The following C8orf34 variants were observed in gnomAD, a reference collection of about 807,000 sequenced individuals.
The protein encoded by C8orf34 is chromosome 8 open reading frame 34.
A neutral mutation model predicts 68.3 loss-of-function variants in C8orf34; 65 were observed. The observed-to-expected ratio is 0.95, with a 90% CI of 0.78 to 1.17. The LOEUF (loss-of-function observed/expected upper bound fraction) is 1.17, where lower values mean the gene tolerates loss of function less well. C8orf34 is among the 50% of genes most tolerant of loss of function. The pLI is 0.00. For synonymous variants in C8orf34, 244 were observed against 241.2 expected, an observed-to-expected ratio of 1.01 and a Z score of -0.11; for missense variants, 664 against 655.4, an observed-to-expected ratio of 1.01 and a Z score of -0.14.
intron 1 of C8orf34, among the ~76,000 whole-genome samples, chr8:68,340,025 T>C (rs1288604275): frequency 6.6e-6 from 1 of 152,102 alleles, no homozygotes; most frequent in Non-Finnish European, 1.5e-5. Flanking sequence ...AGGGAATGAA[T>C]AGCTGCTCAA....
Position 68,813,344 on chromosome 8 carries a change from C to G in C8orf34, c.1550-2542C>G, listed in dbSNP as rs1024323392. Among the ~76,000 whole-genome samples, 98 of 151,762 alleles carry G rather than the reference C, an allele frequency of 6.5e-4. 8 individuals carry two copies. Among genetic ancestry groups the G allele is most frequent in the Non-Finnish European group, 1.5e-5 (1 of 67,958 alleles). On this transcript the variant is annotated intron_variant, in intron 12 of 13. Transcript: ENST00000518698. ...AAAAGCATTATGTCAAAGGTTATTT[C>G]AGAAACTTGAAATCAGATAATTCTG...
chr8:68,433,310 C>T (rs1198959173), intron 1 of C8orf34, among the ~76,000 whole-genome samples: 1 of 152,108 alleles, frequency 6.6e-6, no homozygotes, highest in Non-Finnish European at 1.5e-5. Context: ...ATGCCATATG[C>T]TATTAATATT....
intron 7 of C8orf34, among the ~76,000 whole-genome samples, chr8:68,555,977 C>A (rs1168137256): frequency 2.6e-5 from 4 of 152,090 alleles, no homozygotes; most frequent in Non-Finnish European, 5.9e-5. Flanking sequence ...CTGAGAGTGT[C>A]TAGCACTTTT....
intron 12 of C8orf34, among the ~76,000 whole-genome samples, chr8:68,810,204 C>T (rs564849459): frequency 3.9e-4 from 60 of 152,270 alleles, no homozygotes; most frequent in Non-Finnish European, 7.2e-4. Context: ...AAGCCAGGCA[C>T]AGAGTAGTAA....
At chr8:68,773,436 C>T (rs1483360185) in intron 10 of C8orf34, among the ~76,000 whole-genome samples, 1 of 151,846 alleles carries the variant, frequency 6.6e-6, no homozygotes, top group Non-Finnish European at 1.5e-5. Context: ...AGTCTTGCTC[C>T]GTCGCCCAGG....
intron 7 of C8orf34, among the ~76,000 whole-genome samples, chr8:68,615,827 C>A (rs551641826): frequency 1.1e-4 from 16 of 152,094 alleles, no homozygotes; most frequent in African/African-American, 3.9e-4. Flanking sequence ...GGAGGATTCC[C>A]TCTTTTTCTA....
At chr8:68,806,545 T>G (rs1353792777) in intron 12 of C8orf34, among the ~76,000 whole-genome samples, 1 of 152,054 alleles carries the variant, frequency 6.6e-6, no homozygotes, top group Non-Finnish European at 1.5e-5. Context: ...AATAATATTT[T>G]TAGTCACCTG....
chr8:68,569,593 T>C (rs1156630916), intron 7 of C8orf34, among the ~76,000 whole-genome samples: 1 of 152,204 alleles, frequency 6.6e-6, no homozygotes, highest in East Asian at 1.9e-4. Context: ...TAAACATGAC[T>C]ACTGCTTCAT....
chr8:68,668,106 A>G, intron 8 of C8orf34, among the ~76,000 whole-genome samples: 1 of 152,268 alleles, frequency 6.6e-6, no homozygotes, highest in Non-Finnish European at 1.5e-5. Flanking sequence ...TCCTTTTGAA[A>G]GTATAAATTT....
At chr8:68,759,920 G>A (rs1049437740) in intron 10 of C8orf34, among the ~76,000 whole-genome samples, 3 of 152,178 alleles carry the variant, frequency 2.0e-5, no homozygotes, top group African/African-American at 7.2e-5. Context: ...GGAAATGAAA[G>A]ATATACTCAT....
chr8:68,451,975 G>A (rs1286134823), intron 3 of C8orf34, among the ~76,000 whole-genome samples: 1 of 151,908 alleles, frequency 6.6e-6, no homozygotes, highest in Non-Finnish European at 1.5e-5. Flanking sequence ...CACAATGTAT[G>A]ACCTTTTGTC....
chr8:68,758,937 G>A (rs900599084), intron 10 of C8orf34, among the ~76,000 whole-genome samples: 1 of 152,070 alleles, frequency 6.6e-6, no homozygotes, highest in Non-Finnish European at 1.5e-5. Context: ...AACTGGCACA[G>A]CTGTGATCTT....
intron 1 of C8orf34, among the ~76,000 whole-genome samples, chr8:68,356,878 C>T (rs1340713947): frequency 2.6e-5 from 4 of 151,986 alleles, no homozygotes; most frequent in East Asian, 1.9e-4. Flanking sequence ...GAGCATATAA[C>T]GCCTGCTGTT....
chr8:68,431,185 G>C (rs1189947587), intron 1 of C8orf34, among the ~76,000 whole-genome samples: 2 of 152,064 alleles, frequency 1.3e-5, no homozygotes, highest in Non-Finnish European at 2.9e-5. Context: ...TCAAACTTAG[G>C]TCTGTGTATG....
chr8:68,332,694 TAA>T (rs1235603484), intron 1 of C8orf34, among the ~76,000 whole-genome samples: 1 of 152,162 alleles, frequency 6.6e-6, no homozygotes. Context: ...CAAGATCTCC[TAA>T]GTTTTTTTGC....
chr8:68,707,509 C>T (rs1378389681), intron 8 of C8orf34, among the ~76,000 whole-genome samples: 1 of 152,146 alleles, frequency 6.6e-6, no homozygotes, highest in Non-Finnish European at 1.5e-5. Flanking sequence ...ACAAAAATTA[C>T]AGCACTATTT....
rs554039312 is a variant in C8orf34 at position 68,358,193 on chromosome 8, C to A, written c.327+26854C>A. Reference sequence around the variant, plus strand: ...ATAATCTGTTTCCTGTTGATCCATGCTATAACTGGCTTTCTTACTAAAAAG... The same window carrying A: ...ATAATCTGTTTCCTGTTGATCCATGATATAACTGGCTTTCTTACTAAAAAG... On this transcript the variant is annotated intron_variant, in intron 1 of 13. Coordinates refer to ENST00000518698, the MANE Select transcript of C8orf34 (RefSeq NM_052958.4). Among the ~76,000 whole-genome samples the A allele has an allele frequency of 4.2e-4, 64 of 152,190 alleles. 1 individual carries two copies. Among genetic ancestry groups the A allele is most frequent in the Admixed American group, 5.9e-4 (9 of 15,258 alleles).
chr8:68,789,578 C>A (rs1221316065), intron 12 of C8orf34, among the ~76,000 whole-genome samples: 5 of 152,048 alleles, frequency 3.3e-5, no homozygotes, highest in Non-Finnish European at 4.4e-5. Flanking sequence ...AATATTTTGG[C>A]AATAAGTTTT....
At chr8:68,582,484 A>T (rs551797750) in intron 7 of C8orf34, among the ~76,000 whole-genome samples, 1 of 152,220 alleles carries the variant, frequency 6.6e-6, no homozygotes, top group African/African-American at 2.4e-5. Context: ...GGCTTTGGGG[A>T]AAAGGCTTTC....
Sources: gnomAD v4.1 joint callset for allele counts (sites outside exome capture counted in the v4.1 genomes callset) on GRCh38, gnomAD v4.1.1 for gene constraint, MANE v1.5 for transcripts, NCBI Gene and HGNC (gene_info 2026-07-23, HGNC 2026-07-21) for gene names.